Variants in NBPF4 observed in about 807,000 individuals in gnomAD.
NBPF4 encodes NBPF family member NBPF4.
In NBPF4, 11 loss-of-function variants were observed where a neutral mutation model predicts 21.1. That is an observed-to-expected ratio of 0.52 (90% CI 0.33 to 0.86). NBPF4 has a LOEUF of 0.86. Ranked by LOEUF, NBPF4 falls within the 40% of genes least tolerant of loss-of-function variation. The probability of loss-of-function intolerance (pLI) is 0.03; values close to 1 mark genes in which losing one functional copy is unlikely to be tolerated. For missense variants in NBPF4, 88 were observed against 265.3 expected (o/e 0.33, Z 4.64); for synonymous variants, 47 against 106.4 (o/e 0.44, Z 3.43).
chr1:108,247,938 C>A (rs1421965982), upstream of NBPF4, among the ~76,000 whole-genome samples: 3 of 150,730 alleles, frequency 2.0e-5, no homozygotes, highest in African/African-American at 4.9e-5. Flanking sequence ...CTCAGCTTTC[C>A]AAGTAGTTCG....
At chr1:108,229,179 T>C (rs747442690) in intron 12 of NBPF4, 23 bp from the exon 13 acceptor site, 1 of 1,493,754 alleles carries the variant, frequency 6.7e-7, no homozygotes, top group South Asian at 1.2e-5. Context: ...GGGGCTTCAG[T>C]AGGAACAATC....
At position 108,229,153 on chromosome 1, in the gene NBPF4, G is replaced by A. The variant is rs1428557130; in HGVS notation, c.1427C>T (p.Pro476Leu). Residue 476 changes from proline (P) to leucine (L), a missense_variant, in exon 13 of 15, where the codon CCC becomes CTC. Physicochemically the swap from Pro to Leu is moderately conservative, Grantham distance 98 (BLOSUM62 -3). Coordinates refer to ENST00000415641, the MANE Select transcript of NBPF4 (RefSeq NM_001143989.3). ...LACSALDVAS[P>L]TEAACPQGTW... ...CCCTTGGGGACAGGCCGCCTCGGTG[G>A]GGGCTGAAAGGAGAAGGGGCTTCAG... 1 of 1,547,424 alleles carries A rather than the reference G, an allele frequency of 6.5e-7. No individual in the cohort carries two copies. The highest frequency in any genetic ancestry group is 8.7e-7 in the Non-Finnish European group (1 of 1,143,780).
At chr1:108,224,888 A>C (rs554424264) in intron 14 of NBPF4, among the ~76,000 whole-genome samples, 1 of 150,926 alleles carries the variant, frequency 6.6e-6, no homozygotes, top group South Asian at 2.1e-4. Context: ...GCAGCATTTC[A>C]GTCTTAATTT....
At chr1:108,241,349 C>CAT (rs1649706345) in intron 3 of NBPF4, among the ~76,000 whole-genome samples, 185 bp from the exon 4 acceptor site, 1 of 141,316 alleles carries the variant, frequency 7.1e-6, no homozygotes, top group Non-Finnish European at 1.5e-5. Flanking sequence ...TACACACACA[C>CAT]ACACACACAC....
In NBPF4 at chr1:108,228,904, C is replaced by G; in HGVS notation, c.1660+16G>C. The G allele has an allele frequency of 2.3e-6, 3 of 1,332,272 alleles. No individual in the cohort carries two copies. In the South Asian group the frequency reaches 3.8e-5, roughly 17 times the overall value. The allele number at this position is 1,332,272 out of a possible 1,614,324, so 82.5% of individuals were successfully genotyped here. On this transcript the variant is annotated intron_variant, in intron 13 of 14. Transcript: ENST00000415641. ...ACACCTGGATTAGAGCTTCATGACG[C>G]CGTTTCCTTCCCTACCTTGGAAGGG...
the NBPF4 span, among the ~76,000 whole-genome samples, chr1:108,252,346 G>T: frequency 1.4e-3 from 13 of 9,526 alleles, no homozygotes; most frequent in African/African-American, 5.7e-3. Context: ...GGAGTTTTGT[G>T]TCTCTATGTT....
chr1:108,268,201 T>G, the NBPF4 span, among the ~76,000 whole-genome samples: 10 of 140,482 alleles, frequency 7.1e-5, no homozygotes, highest in Non-Finnish European at 1.4e-4. Flanking sequence ...TTTATATATA[T>G]GTTTAAGTAG....
In NBPF4 at chr1:108,223,754, G is replaced by C; in HGVS notation, c.1876-8C>G. 2 of 1,550,266 alleles carry C rather than the reference G, an allele frequency of 1.3e-6. No homozygotes were observed. Among genetic ancestry groups the C allele is most frequent in the Non-Finnish European group, 8.7e-7 (1 of 1,146,822 alleles). On this transcript the variant is annotated splice_region_variant and splice_polypyrimidine_tract_variant and intron_variant, in intron 14 of 14. Coordinates refer to ENST00000415641, the MANE Select transcript of NBPF4 (RefSeq NM_001143989.3). ...TCCAGCAGTATTTGGTATCTGTAGGGGAGAGAGAGAAAAAAAATCAAATGA... is the reference window on the plus strand; with the variant it reads ...TCCAGCAGTATTTGGTATCTGTAGGCGAGAGAGAGAAAAAAAATCAAATGA...
chr1:108,256,575 C>T, the NBPF4 span, among the ~76,000 whole-genome samples: 1 of 93,778 alleles, frequency 1.1e-5, no homozygotes, highest in African/African-American at 5.0e-5. Flanking sequence ...CTCCTCCCCT[C>T]CCCTCCCTCC....
At chr1:108,263,586 A>T in the NBPF4 span, among the ~76,000 whole-genome samples, 1 of 124,024 alleles carries the variant, frequency 8.1e-6, no homozygotes, top group African/African-American at 3.3e-5. Flanking sequence ...CCCAAGGCAC[A>T]TAATCATCAG....
In NBPF4 at chr1:108,241,044, A is replaced by G; in HGVS notation, c.399T>C (p.Pro133=). The change falls in exon 4 of 15, where the codon CCT becomes CCC. Residue 133 remains proline (P), a synonymous_variant. Coordinates refer to ENST00000415641, the MANE Select transcript of NBPF4 (RefSeq NM_001143989.3). ...GACCCTGGGACTTGTCAGGGTCATCAGGAGTGAGGAGGGTTTTCAGATGCT... is the reference window on the plus strand; with the variant it reads ...GACCCTGGGACTTGTCAGGGTCATCGGGAGTGAGGAGGGTTTTCAGATGCT... ...LNKHLKTLLT[P]DDPDKSQGQD... is the part of the protein sequence containing the mutation. 1 of 317,870 alleles carries G rather than the reference A, an allele frequency of 3.1e-6. No individual in the cohort carries two copies. The highest frequency in any genetic ancestry group is 5.3e-6 in the Non-Finnish European group (1 of 188,822). 19.7% of individuals were successfully genotyped at this position (317,870 alleles called of 1,614,324 possible). A position where few individuals can be genotyped will look rare whatever the true frequency, so the allele number is the denominator to read the frequency against.
the NBPF4 span, among the ~76,000 whole-genome samples, chr1:108,267,883 A>C: frequency 2.1e-5 from 2 of 95,588 alleles, no homozygotes; most frequent in Non-Finnish European, 4.2e-5. Flanking sequence ...GGAAAATTTG[A>C]ATATAGAATA....
chr1:108,257,492 C>T, the NBPF4 span, among the ~76,000 whole-genome samples: 1 of 150,870 alleles, frequency 6.6e-6, no homozygotes, highest in Admixed American at 6.6e-5. Context: ...CTTCTACCCT[C>T]TCCCCACTCT....
At chr1:108,226,270 T>C (rs397833397) in intron 14 of NBPF4, among the ~76,000 whole-genome samples, 23 of 151,584 alleles carry the variant, frequency 1.5e-4, no homozygotes, top group South Asian at 8.3e-4. Flanking sequence ...ATGTAAATGA[T>C]GTATTAAAGC....
upstream of NBPF4, among the ~76,000 whole-genome samples, chr1:108,244,922 A>ATG (rs1385739694): frequency 2.2e-5 from 1 of 44,996 alleles, no homozygotes; most frequent in African/African-American, 9.1e-5. Flanking sequence ...ATATATATAT[A>ATG]TATATATATA....
chr1:108,244,948 AC>A (rs1649797367), upstream of NBPF4, among the ~76,000 whole-genome samples: 1 of 32,696 alleles, frequency 3.1e-5, no homozygotes, highest in African/African-American at 1.3e-4. Flanking sequence ...ATATATATAT[AC>A]ACACACATAT....
chr1:108,244,939 TATATATATAC>T (rs1558041709), upstream of NBPF4, among the ~76,000 whole-genome samples: 2 of 36,610 alleles, frequency 5.5e-5, 1 homozygote, highest in Admixed American at 8.2e-4. Context: ...TATATATATA[TATATATATAC>T]ACACACATAT....
chr1:108,254,134 G>C, the NBPF4 span, among the ~76,000 whole-genome samples: 1 of 90,582 alleles, frequency 1.1e-5, no homozygotes, highest in Non-Finnish European at 2.2e-5. Context: ...GAGTGCAGTG[G>C]TGCAATCTTG....
the NBPF4 span, among the ~76,000 whole-genome samples, chr1:108,265,056 T>G: frequency 6.6e-6 from 1 of 152,072 alleles, no homozygotes; most frequent in Non-Finnish European, 1.5e-5. Context: ...CTAATTAAAC[T>G]AAAGAGCTTC....
Sources: allele counts gnomAD v4.1 joint callset (sites outside exome capture counted in the v4.1 genomes callset), GRCh38; gene constraint gnomAD v4.1.1; transcripts MANE v1.5; gene names NCBI Gene and HGNC (gene_info 2026-07-23, HGNC 2026-07-21).